PCDHGA3: variants seen among roughly 807,000 people sequenced by gnomAD.
The protein encoded by PCDHGA3 is protocadherin gamma-A3.
Under a neutral mutation model 58.5 loss-of-function variants are expected in PCDHGA3, and 40 were observed. The ratio of observed to expected loss-of-function variants is 0.68; its 90% CI spans 0.53 to 0.89. PCDHGA3 has a LOEUF of 0.89. Ranked by LOEUF, PCDHGA3 falls within the 40% of genes least tolerant of loss-of-function variation. PCDHGA3 has a pLI of 0.00. For missense variants in PCDHGA3, 1,223 were observed against 1,195.9 expected, an observed-to-expected ratio of 1.02 and a Z score of -0.33; for synonymous variants, 530 against 525.7, an observed-to-expected ratio of 1.01 and a Z score of -0.11.
At chr5:141,455,103 C>T (rs1319698016) in intron 1 of PCDHGA3, among the ~76,000 whole-genome samples, 1 of 151,862 alleles carries the variant, frequency 6.6e-6, no homozygotes, top group South Asian at 2.1e-4. Flanking sequence ...TGAGCCACTG[C>T]GCCCGGTGGG....
rs549866784 is a variant in PCDHGA3, at chr5:141,437,490, A to G, written c.2425-57317A>G. ...TTTTATAGCATATTTAATCTCGTAGATCACTTTTCAATGAATTATAAGGCT... is the reference window on the plus strand; with the variant it reads ...TTTTATAGCATATTTAATCTCGTAGGTCACTTTTCAATGAATTATAAGGCT... On this transcript the variant is annotated intron_variant, in intron 1 of 3. Coordinates refer to ENST00000253812, the MANE Select transcript of PCDHGA3 (RefSeq NM_018916.4). 2.0e-5 allele frequency among the ~76,000 whole-genome samples: 3 copies of G among 152,308 alleles called. No homozygotes were observed. In the East Asian group the frequency reaches 5.8e-4, roughly 29 times the overall value.
chr5:141,427,467 T>TC, intron 1 of PCDHGA3: 1 of 508,052 alleles, frequency 2.0e-6, no homozygotes. Flanking sequence ...AATCGAATCT[T>TC]CCGCCAATAA....
intron 1 of PCDHGA3, chr5:141,389,435 C>T (rs1403223210): frequency 8.1e-6 from 13 of 1,610,504 alleles, no homozygotes. Flanking sequence ...CGCAGCGCGC[C>T]TTCGACCACG....
chr5:141,371,047 G>A, intron 1 of PCDHGA3: 1 of 1,613,990 alleles, frequency 6.2e-7, no homozygotes. Flanking sequence ...GTGGATGGGG[G>A]CGAGCCCTCC....
intron 1 of PCDHGA3, chr5:141,414,274 G>C: frequency 1.9e-6 from 3 of 1,613,368 alleles, no homozygotes; most frequent in Non-Finnish European, 2.5e-6. Flanking sequence ...TTCACCTCTG[G>C]GAACAGTCGT....
chr5:141,388,826 CAT>C, intron 1 of PCDHGA3: 1 of 1,613,864 alleles, frequency 6.2e-7, no homozygotes, highest in Non-Finnish European at 8.5e-7. Flanking sequence ...AAGAATATTC[CAT>C]AGTTTTGGAA....
At chr5:141,471,654 G>A (rs1235665796) in intron 1 of PCDHGA3, 2 of 152,044 alleles carry the variant, frequency 1.3e-5, no homozygotes, top group South Asian at 2.1e-4. Flanking sequence ...CTGGATGTGG[G>A]GATGCAGAAA....
intron 1 of PCDHGA3, chr5:141,364,162 G>T (rs1431333863): frequency 1.5e-6 from 1 of 667,104 alleles, no homozygotes; most frequent in Non-Finnish European, 2.2e-6. Context: ...CCGCAGAGGC[G>T]ACCCGACTCT....
At position 141,436,706 on chromosome 5, in the gene PCDHGA3, A is replaced by G. The variant is rs149478256; in HGVS notation, c.2425-58101A>G. 3.9e-3 allele frequency among the ~76,000 whole-genome samples: 587 copies of G among 152,318 alleles called. 6 individuals are homozygous for G. Among genetic ancestry groups the G allele is most frequent in the Admixed American group, 0.011 (169 of 15,304 alleles). On this transcript the variant is annotated intron_variant, in intron 1 of 3. Transcript: ENST00000253812. ...TATATTTTCAATGCCAGCACACTCG[A>G]TGTTCTGTTGGGAAAAATAATAATG...
intron 1 of PCDHGA3, chr5:141,375,706 T>C: frequency 6.2e-7 from 1 of 1,614,232 alleles, no homozygotes; most frequent in Non-Finnish European, 8.5e-7. Flanking sequence ...GGGACCCGCC[T>C]CTTAGCAGCA....
chr5:141,476,521 C>T lies in PCDHGA3; in HGVS notation c.2425-18286C>T. On this transcript the variant is annotated intron_variant, in intron 1 of 3. Transcript: ENST00000253812. The surrounding 1 kb of genome is among the most constrained non-coding windows in gnomAD (Gnocchi z 7.6). ...ACATCAACGACAACAATCCTGCTTT[C>T]CCTACCCAGGAAATGAAATTGGAGA... 4 of 1,614,214 alleles carry T rather than the reference C, an allele frequency of 2.5e-6. No homozygotes were observed. The highest frequency in any genetic ancestry group is 3.4e-6 in the Non-Finnish European group (4 of 1,180,036).
intron 1 of PCDHGA3, among the ~76,000 whole-genome samples, chr5:141,373,410 C>A (rs1317795683): frequency 6.6e-6 from 1 of 152,216 alleles, no homozygotes; most frequent in Non-Finnish European, 1.5e-5. Flanking sequence ...GTAGTCCCAG[C>A]TACTCGGGAG....
In PCDHGA3 at chr5:141,473,538, T is replaced by C. The variant is rs544537855; in HGVS notation, c.2425-21269T>C. Among the ~76,000 whole-genome samples, 58 of 152,328 alleles carry C rather than the reference T, an allele frequency of 3.8e-4. 1 individual carries two copies. Among genetic ancestry groups the C allele is most frequent in the African/African-American group, 1.3e-3 (55 of 41,576 alleles). Reference sequence around the variant, plus strand: ...AAGGATCCTGGTTTTAACTGGGGCCTAATGGAAGACCTCTATTAGGAAATA... The same window carrying C: ...AAGGATCCTGGTTTTAACTGGGGCCCAATGGAAGACCTCTATTAGGAAATA... On this transcript the variant is annotated intron_variant, in intron 1 of 3. Coordinates refer to ENST00000253812, the MANE Select transcript of PCDHGA3 (RefSeq NM_018916.4).
chr5:141,408,048 G>C, intron 1 of PCDHGA3: 1 of 1,245,698 alleles, frequency 8.0e-7, no homozygotes, highest in Non-Finnish European at 1.1e-6. Context: ...CTCCCACACA[G>C]AGCCTCCCGG....
chr5:141,350,897 G>T (rs748000231), intron 1 of PCDHGA3: 1 of 1,614,028 alleles, frequency 6.2e-7, no homozygotes, highest in East Asian at 2.2e-5. Flanking sequence ...GACTGCCATG[G>T]ATGGCGGGGA....
At chr5:141,405,830 G>A (rs1214599375) in intron 1 of PCDHGA3, among the ~76,000 whole-genome samples, 3 of 152,148 alleles carry the variant, frequency 2.0e-5, no homozygotes, top group East Asian at 1.9e-4. Flanking sequence ...ACTTAAGGTA[G>A]TATAAGTTGA....
intron 3 of PCDHGA3, among the ~76,000 whole-genome samples, chr5:141,506,298 A>C (rs887906455): frequency 6.6e-6 from 1 of 151,936 alleles, no homozygotes; most frequent in Non-Finnish European, 1.5e-5. Context: ...AAAATACAAA[A>C]ATTAGCTGGG....
rs1390441638 is a variant in PCDHGA3, at chr5:141,432,562, C to T, written c.2425-62245C>T. 1.9e-6 allele frequency: 3 copies of T among 1,613,964 alleles called. No individual in the cohort carries two copies. Among genetic ancestry groups the T allele is most frequent in the Non-Finnish European group, 2.5e-6 (3 of 1,180,004 alleles). On this transcript the variant is annotated intron_variant, in intron 1 of 3. Coordinates refer to ENST00000253812, the MANE Select transcript of PCDHGA3 (RefSeq NM_018916.4). This position sits in a 1 kb window ranked among gnomAD's most constrained non-coding sequence, Gnocchi z 6.0. ...CGGTGGACAGAGACTCCGGCCAGAA[C>T]GCCTGGCTGTCCTACCGTCTGCTCA...
chr5:141,363,612 G>T (rs961880726), intron 1 of PCDHGA3, among the ~76,000 whole-genome samples: 11 of 152,222 alleles, frequency 7.2e-5, no homozygotes, highest in Admixed American at 3.3e-4. Flanking sequence ...GTCTGAGATA[G>T]TGGAGAGACT....
Sources: gnomAD v4.1 joint callset for allele counts (sites outside exome capture counted in the v4.1 genomes callset) on GRCh38, gnomAD v4.1.1 for gene constraint, Gnocchi (gnomAD v3.1) non-coding constraint, MANE v1.5 for transcripts, NCBI Gene and HGNC (gene_info 2026-07-23, HGNC 2026-07-21) for gene names.